FGD4: variants seen among roughly 807,000 people sequenced by gnomAD.
The protein encoded by FGD4 is FYVE, RhoGEF and PH domain containing 4, also known as FYVE, RhoGEF and PH domain-containing protein 4.
In FGD4, 42 loss-of-function variants were observed where a neutral mutation model predicts 102.0. The ratio of observed to expected loss-of-function variants is 0.41; its 90% confidence interval spans 0.32 to 0.53. FGD4 has a LOEUF of 0.53. FGD4 is among the 20% of genes least tolerant of loss of function. The pLI, the probability that FGD4 is intolerant of heterozygous loss-of-function variation, is 0.21. For missense variants in FGD4, 902 were observed against 1,078.2 expected, an observed-to-expected ratio of 0.84 and a Z score of 2.29; for synonymous variants, 380 against 375.7, an observed-to-expected ratio of 1.01 and a Z score of -0.13.
intron 1 of FGD4, among the ~76,000 whole-genome samples, chr12:32,519,897 A>C (rs915234929): frequency 6.6e-6 from 1 of 152,212 alleles, no homozygotes; most frequent in Non-Finnish European, 1.5e-5. Context: ...CAGTGAGCTG[A>C]GATCATGCCA....
chr12:32,402,295 G>A (rs1490705278), intron 1 of FGD4, among the ~76,000 whole-genome samples: 2 of 151,752 alleles, frequency 1.3e-5, no homozygotes, highest in African/African-American at 4.8e-5. Flanking sequence ...ACCCCTTGTG[G>A]ACTGAAGTGG....
At chr12:32,410,505 A>T (rs942724708) in intron 1 of FGD4, among the ~76,000 whole-genome samples, 1 of 151,996 alleles carries the variant, frequency 6.6e-6, no homozygotes. Flanking sequence ...AAAAAAAGAA[A>T]TTGGCATCAT....
intron 12 of FGD4, 116 bp downstream of exon 12, chr12:32,624,568 T>C: frequency 1.1e-6 from 1 of 880,360 alleles, no homozygotes; most frequent in Non-Finnish European, 1.8e-6. Flanking sequence ...CTGTCTGGGC[T>C]CAAGCAAGCC....
intron 1 of FGD4, among the ~76,000 whole-genome samples, chr12:32,525,589 C>T (rs1941059107): frequency 6.6e-6 from 1 of 152,252 alleles, no homozygotes; most frequent in Non-Finnish European, 1.5e-5. Context: ...AGGATCCCTT[C>T]AGTCCCCCAC....
At chr12:32,462,227 G>A (rs1943123385) in intron 1 of FGD4, among the ~76,000 whole-genome samples, 1 of 151,840 alleles carries the variant, frequency 6.6e-6, no homozygotes, top group African/African-American at 2.4e-5. Context: ...AGTGACCTCA[G>A]CTCACTGCAA....
intron 4 of FGD4, among the ~76,000 whole-genome samples, chr12:32,596,448 A>G (rs1252955914): frequency 2.0e-5 from 3 of 152,240 alleles, no homozygotes; most frequent in Non-Finnish European, 4.4e-5. Context: ...GCCTGTGATG[A>G]TAAAAGTTTG....
intron 1 of FGD4, among the ~76,000 whole-genome samples, chr12:32,411,688 A>G (rs1406623425): frequency 6.6e-6 from 1 of 152,084 alleles, no homozygotes; most frequent in Non-Finnish European, 1.5e-5. Flanking sequence ...TCAAAAAGGC[A>G]TACTGGTTGA....
At chr12:32,419,284 C>CT (rs1941541419) in intron 1 of FGD4, among the ~76,000 whole-genome samples, 1 of 152,192 alleles carries the variant, frequency 6.6e-6, no homozygotes, top group African/African-American at 2.4e-5. Context: ...GCCCTCACAG[C>CT]TGGGAATGTG....
chr12:32,510,173 A>G (rs1939211086), intron 1 of FGD4, among the ~76,000 whole-genome samples: 1 of 152,246 alleles, frequency 6.6e-6, no homozygotes, highest in African/African-American at 2.4e-5. Context: ...TGAATGATTT[A>G]TCACATCATA....
chr12:32,626,869 C>T (rs868154553), intron 14 of FGD4, among the ~76,000 whole-genome samples: 6 of 152,028 alleles, frequency 3.9e-5, no homozygotes, highest in East Asian at 1.9e-4. Context: ...GTTTTTGAGA[C>T]GGAGTTTTGC....
At chr12:32,562,929 T>C (rs1268182233) in intron 1 of FGD4, among the ~76,000 whole-genome samples, 1 of 152,156 alleles carries the variant, frequency 6.6e-6, no homozygotes, top group Non-Finnish European at 1.5e-5. Context: ...AGCTGTTGGG[T>C]ACACCTCCCA....
At chr12:32,511,634 T>C (rs1939388239) in intron 1 of FGD4, among the ~76,000 whole-genome samples, 1 of 152,130 alleles carries the variant, frequency 6.6e-6, no homozygotes, top group African/African-American at 2.4e-5. Flanking sequence ...TTGGTGGTTA[T>C]GTTAAATGAT....
At chr12:32,587,052 G>A (rs1187325383) in intron 4 of FGD4, among the ~76,000 whole-genome samples, 4 of 151,860 alleles carry the variant, frequency 2.6e-5, no homozygotes, top group Admixed American at 6.6e-5. Context: ...TTAGCTGGGC[G>A]CAGTAGCAAG....
chr12:32,584,052 A>G (rs1367315296), intron 4 of FGD4, among the ~76,000 whole-genome samples: 1 of 152,226 alleles, frequency 6.6e-6, no homozygotes, highest in South Asian at 2.1e-4. Flanking sequence ...GCATTTTCTT[A>G]GATGAATCTT....
intron 1 of FGD4, among the ~76,000 whole-genome samples, chr12:32,559,827 T>C (rs1944395629): frequency 1.3e-5 from 2 of 152,396 alleles, no homozygotes; most frequent in South Asian, 4.1e-4. Context: ...TGTGTAATGG[T>C]GATGACCTTT....
chr12:32,517,683 A>G (rs1940039116), intron 1 of FGD4, among the ~76,000 whole-genome samples: 1 of 152,182 alleles, frequency 6.6e-6, no homozygotes, highest in African/African-American at 2.4e-5. Context: ...GCTTGAGCCC[A>G]GGAGTTTGAG....
chr12:32,448,448 A>G (rs955654666), intron 1 of FGD4, among the ~76,000 whole-genome samples: 8 of 152,108 alleles, frequency 5.3e-5, no homozygotes, highest in Non-Finnish European at 1.0e-4. Flanking sequence ...ACCTGAGGTC[A>G]GGAGTTCGAG....
intron 1 of FGD4, among the ~76,000 whole-genome samples, chr12:32,537,532 A>T (rs987365012): frequency 6.6e-6 from 1 of 152,104 alleles, no homozygotes; most frequent in Non-Finnish European, 1.5e-5. Flanking sequence ...TTCAAAGGAA[A>T]TCCCCTGTTC....
At chr12:32,563,389 C>G (rs1052198294) in intron 1 of FGD4, among the ~76,000 whole-genome samples, 2 of 151,134 alleles carry the variant, frequency 1.3e-5, no homozygotes, top group Non-Finnish European at 2.9e-5. Context: ...GTGCTCCCCA[C>G]ATCTCAGACG....
Sources: allele counts gnomAD v4.1 joint callset (sites outside exome capture counted in the v4.1 genomes callset), GRCh38; gene constraint gnomAD v4.1.1; transcripts MANE v1.5; gene names NCBI Gene and HGNC (gene_info 2026-07-23, HGNC 2026-07-21).